PEPD: variants seen among roughly 807,000 people sequenced by gnomAD.
PEPD encodes xaa-Pro dipeptidase.
Under a neutral mutation model 60.7 loss-of-function variants are expected in PEPD, and 53 were observed. The ratio of observed to expected loss-of-function variants is 0.87; its 90% CI spans 0.70 to 1.10. PEPD has a LOEUF of 1.10. Ranked by LOEUF, PEPD falls within the 50% of genes least tolerant of loss-of-function variation. The pLI, the probability that PEPD is intolerant of heterozygous loss-of-function variation, is 0.00. For synonymous variants in PEPD, 267 were observed against 284.1 expected, an observed-to-expected ratio of 0.94 and a Z score of 0.60; for missense variants, 711 against 711.9, an observed-to-expected ratio of 1.00 and a Z score of 0.01.
At chr19:33,388,210 T>A in intron 13 of PEPD, 129 bp from the exon 14 acceptor site, 1 of 793,868 alleles carries the variant, frequency 1.3e-6, no homozygotes, top group Non-Finnish European at 2.1e-6. Flanking sequence ...GTCCTCAGCC[T>A]AGACTCGCCC....
At chr19:33,452,762 C>G (rs914719176) in intron 9 of PEPD, among the ~76,000 whole-genome samples, 8 of 152,108 alleles carry the variant, frequency 5.3e-5, no homozygotes, top group Non-Finnish European at 1.0e-4. Flanking sequence ...TGGACTAAAA[C>G]AATCCCATAG....
At chr19:33,456,497 A>C (rs1969803669) in intron 9 of PEPD, among the ~76,000 whole-genome samples, 1 of 152,196 alleles carries the variant, frequency 6.6e-6, no homozygotes, top group African/African-American at 2.4e-5. Flanking sequence ...ACAGCCAAGC[A>C]AGTGCTAGCA....
chr19:33,467,709 G>A (rs1970046804), intron 7 of PEPD, among the ~76,000 whole-genome samples: 1 of 152,190 alleles, frequency 6.6e-6, no homozygotes, highest in Non-Finnish European at 1.5e-5. Context: ...GGGGTGGTGT[G>A]GAGAGAGATG....
At chr19:33,473,327 G>T (rs919535536) in intron 7 of PEPD, among the ~76,000 whole-genome samples, 1 of 151,910 alleles carries the variant, frequency 6.6e-6, no homozygotes, top group Non-Finnish European at 1.5e-5. Flanking sequence ...CATCATCTAC[G>T]TATCTTTTCT....
chr19:33,500,520 A>G (rs556441241), intron 4 of PEPD, among the ~76,000 whole-genome samples: 17 of 152,286 alleles, frequency 1.1e-4, no homozygotes, highest in African/African-American at 4.1e-4. Flanking sequence ...GCTACTCTAC[A>G]AGCCTTTCAC....
rs768768872 is a variant in PEPD, at chr19:33,490,005, C to T, written c.494G>A (p.Gly165Asp). The T allele has an allele frequency of 6.2e-6, 10 of 1,604,540 alleles. No individual in the cohort carries two copies. In the East Asian group the frequency reaches 2.0e-4, roughly 32 times the overall value. The part of the protein sequence containing the change: ...GSVCREASFD[G>D]ISKFEVNNTI... ...GGGGCCCAGGACTCACTTGCTGATG[C>T]CGTCAAAGGAGGCCTCCCTGCAGAC... The change falls in exon 6 of 15, where the codon GGC (glycine) becomes GAC (aspartate). Residue 165 changes from glycine (G) to aspartate (D), a missense_variant. By Grantham distance (94) the Gly-to-Asp change is moderately conservative. Transcript: ENST00000244137.
intron 9 of PEPD, among the ~76,000 whole-genome samples, chr19:33,462,517 C>T (rs1373500105): frequency 6.6e-6 from 1 of 152,230 alleles, no homozygotes; most frequent in Non-Finnish European, 1.5e-5. Context: ...GGAAGCTCCC[C>T]GGGTGCCACT....
chr19:33,497,586 TCCTG>T (rs1395477766), intron 4 of PEPD, among the ~76,000 whole-genome samples: 1 of 152,166 alleles, frequency 6.6e-6, no homozygotes, highest in Non-Finnish European at 1.5e-5. Context: ...CTGGAGGCCT[TCCTG>T]CCTTTTTTCA....
intron 9 of PEPD, among the ~76,000 whole-genome samples, chr19:33,442,033 C>T (rs1422586503): frequency 6.6e-6 from 1 of 152,154 alleles, no homozygotes; most frequent in African/African-American, 2.4e-5. Context: ...GTTGGCCTCC[C>T]CCACTAGCTT....
rs1266004247 is a variant in PEPD at position 33,391,426 on chromosome 19, G to A, written c.1021C>T (p.Leu341=). Residue 341 remains leucine (L), a synonymous_variant, in exon 13 of 15, where the codon CTG becomes TTG. Transcript: ENST00000244137. ...RLADRIHLEE[L]AHMGILSGSV... ...CCGCTCAGGATGCCCATGTGGGCCAGCTCCTCCAGGTGGATGCGGTCAGCC... is the reference window on the plus strand; with the variant it reads ...CCGCTCAGGATGCCCATGTGGGCCAACTCCTCCAGGTGGATGCGGTCAGCC... 1 of 1,568,692 alleles carries A rather than the reference G, an allele frequency of 6.4e-7. No individual in the cohort carries two copies. Among genetic ancestry groups the A allele is most frequent in the Non-Finnish European group, 8.6e-7 (1 of 1,156,704 alleles).
chr19:33,422,537 TCCATCTAC>T (rs1969042220), intron 9 of PEPD, among the ~76,000 whole-genome samples: 1 of 151,864 alleles, frequency 6.6e-6, no homozygotes, highest in African/African-American at 2.4e-5. Flanking sequence ...TTACCTATCA[TCCATCTAC>T]CCATCCATCC....
intron 7 of PEPD, among the ~76,000 whole-genome samples, chr19:33,467,880 C>T (rs1970049631): frequency 6.6e-6 from 1 of 152,166 alleles, no homozygotes; most frequent in South Asian, 2.1e-4. Flanking sequence ...CATTTCACAT[C>T]ACTAATAAGT....
chr19:33,414,744 T>C (rs1406977094), intron 9 of PEPD, among the ~76,000 whole-genome samples: 1 of 152,222 alleles, frequency 6.6e-6, no homozygotes, highest in Non-Finnish European at 1.5e-5. Context: ...ATAATTGTCA[T>C]GATTGGATAT....
At chr19:33,513,946 CCCCCAG>C (rs1970980502) in intron 1 of PEPD, among the ~76,000 whole-genome samples, 3 of 151,914 alleles carry the variant, frequency 2.0e-5, no homozygotes, top group East Asian at 1.9e-4. Flanking sequence ...CCCACCCCAT[CCCCCAG>C]CTCTCTTCGT....
chr19:33,416,034 G>A (rs964185566), intron 9 of PEPD, among the ~76,000 whole-genome samples: 5 of 152,188 alleles, frequency 3.3e-5, no homozygotes, highest in Admixed American at 1.3e-4. Context: ...CAAGTTCTGG[G>A]CAGCTGTGGC....
intron 11 of PEPD, among the ~76,000 whole-genome samples, 192 bp from the exon 12 acceptor site, chr19:33,402,061 G>A (rs966445314): frequency 5.3e-5 from 8 of 152,158 alleles, no homozygotes; most frequent in Non-Finnish European, 1.2e-4. Context: ...AAGGAAACCC[G>A]AAGCCATCCT....
At position 33,471,210 on chromosome 19, in the gene PEPD, C is replaced by T. The variant is rs1004708266; in HGVS notation, c.548+6836G>A. 2.0e-5 allele frequency among the ~76,000 whole-genome samples: 3 copies of T among 152,114 alleles called. No individual in the cohort carries two copies. The East Asian group carries it at 5.8e-4, about 29-fold the overall frequency. On this transcript the variant is annotated intron_variant, in intron 7 of 14. Transcript: ENST00000244137. ...AGCCTGGCTGGGCTTTGGCCTGGCC[C>T]AATTGAATCTATGCTTAAATAGACG...
In PEPD at chr19:33,501,013, G is replaced by GCA. The variant is rs2145335424; in HGVS notation, c.330-14_330-13dup. 1.9e-6 allele frequency: 3 copies of GCA among 1,557,060 alleles called. No homozygotes were observed. Among genetic ancestry groups the GCA allele is most frequent in the Non-Finnish European group, 2.7e-6 (3 of 1,128,096 alleles). On this transcript the variant is annotated splice_polypyrimidine_tract_variant and intron_variant, in intron 3 of 14. Transcript: ENST00000244137. ...CCTTGGAATGGATCCTCAAAGAAAA[G>GCA]CACAAGGAATATCAGGGTCAGGGCT...
intron 11 of PEPD, among the ~76,000 whole-genome samples, chr19:33,405,425 G>A (rs1003754742): frequency 2.6e-5 from 4 of 152,234 alleles, no homozygotes; most frequent in African/African-American, 7.2e-5. Context: ...CAGTTTACAC[G>A]CGCTCATATT....
Sources: gnomAD v4.1 joint callset for allele counts (sites outside exome capture counted in the v4.1 genomes callset) on GRCh38, gnomAD v4.1.1 for gene constraint, MANE v1.5 for transcripts, NCBI Gene and HGNC (gene_info 2026-07-23, HGNC 2026-07-21) for gene names.